Variants in RAB31 observed in about 807,000 individuals in gnomAD.
RAB31 encodes ras-related protein Rab-31.
A neutral mutation model predicts 25.6 loss-of-function variants in RAB31; 21 were observed. The ratio of observed to expected loss-of-function variants is 0.82; its 90% confidence interval spans 0.58 to 1.18. The LOEUF (loss-of-function observed/expected upper bound fraction) is 1.18, where lower values mean the gene tolerates loss of function less well. Among genes scored for constraint, RAB31 ranks in the 50% most tolerant of loss-of-function variants. The probability of loss-of-function intolerance (pLI) is 0.00; values close to 1 mark genes in which losing one functional copy is unlikely to be tolerated. For synonymous variants in RAB31, 87 were observed against 84.0 expected, an observed-to-expected ratio of 1.04 and a Z score of -0.20; for missense variants, 196 against 250.1, an observed-to-expected ratio of 0.78 and a Z score of 1.46.
At chr18:9,786,046 G>GAGAA (rs56216353) in intron 2 of RAB31, among the ~76,000 whole-genome samples, 107,558 of 150,728 alleles carry the variant, frequency 0.71, 39,001 homozygotes, top group African/African-American at 0.83. Flanking sequence ...GTCAGACTCT[G>GAGAA]AGAAAGAAAG....
At chr18:9,800,510 G>T (rs984630757) in intron 3 of RAB31, among the ~76,000 whole-genome samples, 13 of 152,188 alleles carry the variant, frequency 8.5e-5, no homozygotes, top group African/African-American at 3.1e-4. Flanking sequence ...AAAGAGCCCA[G>T]TGAAGCGGCA....
At chr18:9,749,678 A>G (rs566596685) in intron 1 of RAB31, among the ~76,000 whole-genome samples, 4 of 152,338 alleles carry the variant, frequency 2.6e-5, no homozygotes, top group Admixed American at 2.0e-4. Flanking sequence ...TGAAACAGTT[A>G]TGATTGAGGT....
chr18:9,856,347 G>C (rs1358762388), intron 6 of RAB31: 2 of 152,062 alleles, frequency 1.3e-5, no homozygotes, highest in East Asian at 3.9e-4. Flanking sequence ...GGCGGAAAGC[G>C]GGGAAAGGTG....
intron 1 of RAB31, among the ~76,000 whole-genome samples, chr18:9,747,480 G>A (rs2068211449): frequency 6.6e-6 from 1 of 152,190 alleles, no homozygotes; most frequent in African/African-American, 2.4e-5. Context: ...ATGATGAATG[G>A]ATGAGCAAAT....
At chr18:9,802,589 G>A (rs145887656) in intron 3 of RAB31, among the ~76,000 whole-genome samples, 25 of 152,334 alleles carry the variant, frequency 1.6e-4, no homozygotes, top group African/African-American at 5.3e-4. Flanking sequence ...AGGAGCCCAC[G>A]GTTTAATGCA....
chr18:9,721,710 G>A (rs889085293), intron 1 of RAB31, among the ~76,000 whole-genome samples: 1 of 152,128 alleles, frequency 6.6e-6, no homozygotes, highest in Non-Finnish European at 1.5e-5. Flanking sequence ...CTGTATACCA[G>A]GCAGTTTCTA....
At chr18:9,832,343 A>G (rs2068682887) in intron 5 of RAB31, among the ~76,000 whole-genome samples, 1 of 152,180 alleles carries the variant, frequency 6.6e-6, no homozygotes, top group Non-Finnish European at 1.5e-5. Context: ...GAGCTTCTGA[A>G]AACAAGTGTG....
At chr18:9,783,704 A>G (rs1470177911) in intron 2 of RAB31, among the ~76,000 whole-genome samples, 9 of 152,218 alleles carry the variant, frequency 5.9e-5, no homozygotes, top group Admixed American at 5.9e-4. Context: ...GTTTAGTGGA[A>G]AATAGTCAAA....
chr18:9,755,722 T>C (rs1375933400), intron 1 of RAB31, among the ~76,000 whole-genome samples: 1 of 152,210 alleles, frequency 6.6e-6, no homozygotes, highest in African/African-American at 2.4e-5. Flanking sequence ...TGAGGCTGTC[T>C]CTGTTTTCAT....
chr18:9,743,997 G>A (rs941218868), intron 1 of RAB31, among the ~76,000 whole-genome samples: 1 of 152,202 alleles, frequency 6.6e-6, no homozygotes, highest in Non-Finnish European at 1.5e-5. Flanking sequence ...CTTTAATCAT[G>A]GGGCACAGTG....
At chr18:9,838,879 C>G (rs112141260) in intron 5 of RAB31, among the ~76,000 whole-genome samples, 2 of 152,294 alleles carry the variant, frequency 1.3e-5, no homozygotes, top group African/African-American at 4.8e-5. Context: ...TGTCCCGGAT[C>G]TTTTCCAGTT....
At chr18:9,805,417 A>G (rs2068535276) in intron 3 of RAB31, among the ~76,000 whole-genome samples, 1 of 152,118 alleles carries the variant, frequency 6.6e-6, no homozygotes, top group Non-Finnish European at 1.5e-5. Flanking sequence ...CTTGGCTTGT[A>G]GCCCCTTCCT....
At chr18:9,751,140 C>A (rs1023543396) in intron 1 of RAB31, among the ~76,000 whole-genome samples, 2 of 152,104 alleles carry the variant, frequency 1.3e-5, no homozygotes, top group Non-Finnish European at 2.9e-5. Flanking sequence ...CTCAAACAGT[C>A]CTCCTGCCTC....
chr18:9,792,343 C>G (rs1389525488), intron 3 of RAB31, 108 bp downstream of exon 3: 15 of 1,472,410 alleles, frequency 1.0e-5, no homozygotes, highest in Admixed American at 2.2e-5. Flanking sequence ...TGACAGAAAC[C>G]TAGCTTGAAA....
intron 5 of RAB31, among the ~76,000 whole-genome samples, chr18:9,835,291 G>A (rs2068698377): frequency 6.6e-6 from 1 of 152,050 alleles, no homozygotes; most frequent in African/African-American, 2.4e-5. Flanking sequence ...AGAGAAAACG[G>A]CAGCTGGTAT....
At chr18:9,819,667 C>T (rs777783735) in intron 5 of RAB31, among the ~76,000 whole-genome samples, 3 of 152,070 alleles carry the variant, frequency 2.0e-5, no homozygotes, top group Non-Finnish European at 2.9e-5. Context: ...GTATTATTCC[C>T]ATCTTAACAA....
At chr18:9,762,598 C>T (rs2068294816) in intron 1 of RAB31, among the ~76,000 whole-genome samples, 1 of 152,114 alleles carries the variant, frequency 6.6e-6, no homozygotes, top group Non-Finnish European at 1.5e-5. Context: ...GTTAAGGCCA[C>T]ATTCTCTATT....
intron 6 of RAB31, among the ~76,000 whole-genome samples, chr18:9,852,226 C>T (rs1313633749): frequency 6.6e-6 from 1 of 152,142 alleles, no homozygotes; most frequent in Non-Finnish European, 1.5e-5. Flanking sequence ...GAATCTCAGA[C>T]ATCTAATTTA....
intron 3 of RAB31, among the ~76,000 whole-genome samples, chr18:9,796,755 A>G (rs1323560055): frequency 6.6e-6 from 1 of 152,046 alleles, no homozygotes; most frequent in Admixed American, 6.5e-5. Context: ...AATTATACAT[A>G]ATGTCTCCAT....
Sources: gnomAD v4.1 joint callset for allele counts (sites outside exome capture counted in the v4.1 genomes callset) on GRCh38, gnomAD v4.1.1 for gene constraint, MANE v1.5 for transcripts, NCBI Gene and HGNC (gene_info 2026-07-23, HGNC 2026-07-21) for gene names.